CAMTA1: variants seen among roughly 807,000 people sequenced by gnomAD.
CAMTA1 encodes the protein calmodulin binding transcription activator 1.
In CAMTA1, 27 loss-of-function variants were observed where a neutral mutation model predicts 170.9. That is an observed-to-expected ratio of 0.16 (90% CI 0.12 to 0.22). CAMTA1 has a LOEUF of 0.22. Among genes scored for constraint, CAMTA1 ranks in the 10% least tolerant of loss-of-function variants. The pLI, the probability that CAMTA1 is intolerant of heterozygous loss-of-function variation, is 1.00. For missense variants in CAMTA1, 1,619 were observed against 2,217.2 expected (o/e 0.73, Z 5.42); for synonymous variants, 833 against 891.5 (o/e 0.93, Z 1.17).
intron 5 of CAMTA1, among the ~76,000 whole-genome samples, chr1:7,405,505 A>T (rs1230475575): frequency 6.6e-6 from 1 of 151,514 alleles, no homozygotes; most frequent in East Asian, 1.9e-4. Context: ...AGAATAGTTG[A>T]TACTACAGGC....
chr1:6,964,679 A>G (rs1399068652), intron 3 of CAMTA1, among the ~76,000 whole-genome samples: 1 of 152,200 alleles, frequency 6.6e-6, no homozygotes, highest in Non-Finnish European at 1.5e-5. Context: ...TCCTTTGTAC[A>G]CTTTTATAAG....
At chr1:7,422,605 G>T (rs1052370728) in intron 5 of CAMTA1, among the ~76,000 whole-genome samples, 1 of 152,158 alleles carries the variant, frequency 6.6e-6, no homozygotes. Flanking sequence ...TGAAAATGAG[G>T]ATTTTAATAT....
chr1:7,047,719 CTCT>C (rs1412115100), intron 3 of CAMTA1, among the ~76,000 whole-genome samples: 20 of 138,468 alleles, frequency 1.4e-4, no homozygotes, highest in African/African-American at 6.2e-4. Context: ...CTCTCTCTCT[CTCT>C]TTTTTTTTTT....
chr1:7,231,815 T>C (rs1486454313), intron 4 of CAMTA1, among the ~76,000 whole-genome samples: 1 of 152,180 alleles, frequency 6.6e-6, no homozygotes, highest in East Asian at 1.9e-4. Context: ...TTCTGTCAAA[T>C]GGGGATCTAA....
rs1171784978 is a variant in CAMTA1 at position 7,300,550 on chromosome 1, A to G, written c.438+50924A>G. 6.6e-6 allele frequency among the ~76,000 whole-genome samples: 1 copy of G among 152,142 alleles called. No individual in the cohort carries two copies. ...AAATTAGTCAGGCCTGGTGGTAGGC[A>G]TCTGTAACCCCAGCTATTCGGGAGG... On this transcript the variant is annotated intron_variant, in intron 5 of 22. Coordinates refer to ENST00000303635, the MANE Select transcript of CAMTA1 (RefSeq NM_015215.4). The surrounding 1 kb of genome is among the most constrained non-coding windows in gnomAD (Gnocchi z 4.1).
intron 4 of CAMTA1, among the ~76,000 whole-genome samples, chr1:7,162,342 G>T (rs147508325): frequency 0.011 from 1,599 of 152,254 alleles, 14 homozygotes; most frequent in Non-Finnish European, 0.015. Flanking sequence ...AGTACAATTT[G>T]ATGGTTTTTA....
intron 4 of CAMTA1, among the ~76,000 whole-genome samples, chr1:7,247,487 G>A (rs1665998369): frequency 6.6e-6 from 1 of 152,184 alleles, no homozygotes; most frequent in Non-Finnish European, 1.5e-5. Flanking sequence ...AGGCTAGATT[G>A]GATCAACGTC....
intron 3 of CAMTA1, among the ~76,000 whole-genome samples, chr1:6,915,822 C>T (rs564121047): frequency 1.3e-5 from 2 of 152,338 alleles, no homozygotes; most frequent in East Asian, 3.9e-4. Context: ...TGACTGGGGC[C>T]TGCAGACAGG....
chr1:7,012,682 C>G (rs1176782633), intron 3 of CAMTA1, among the ~76,000 whole-genome samples: 1 of 152,180 alleles, frequency 6.6e-6, no homozygotes, highest in Non-Finnish European at 1.5e-5. Context: ...TCCCTTCGTG[C>G]CACCTCACAC....
chr1:7,203,276 C>T (rs1308541707), intron 4 of CAMTA1, among the ~76,000 whole-genome samples: 10 of 151,982 alleles, frequency 6.6e-5, no homozygotes, highest in African/African-American at 2.4e-5. Context: ...TTTTTTTATC[C>T]ATACCCATAA....
intron 5 of CAMTA1, among the ~76,000 whole-genome samples, chr1:7,346,906 G>T (rs1186398730): frequency 6.6e-6 from 1 of 152,178 alleles, no homozygotes; most frequent in Non-Finnish European, 1.5e-5. Flanking sequence ...AGAGCAGAGA[G>T]TCCCAGCTAC....
intron 11 of CAMTA1, among the ~76,000 whole-genome samples, chr1:7,683,807 G>A (rs1039638846): frequency 3.3e-5 from 5 of 152,210 alleles, no homozygotes; most frequent in Admixed American, 1.3e-4. Context: ...TATACATTGC[G>A]GTGGGTGTCT....
At chr1:7,575,965 C>A (rs973537330) in intron 6 of CAMTA1, among the ~76,000 whole-genome samples, 1 of 152,074 alleles carries the variant, frequency 6.6e-6, no homozygotes, top group Non-Finnish European at 1.5e-5. Context: ...AGCAAGGAGG[C>A]GGGCCTGACT....
At chr1:7,422,994 T>C (rs986274503) in intron 5 of CAMTA1, among the ~76,000 whole-genome samples, 4 of 152,026 alleles carry the variant, frequency 2.6e-5, no homozygotes, top group African/African-American at 9.7e-5. Flanking sequence ...GGCAGTGCCA[T>C]TTAAGTGTTT....
chr1:7,347,137 G>A (rs566600968), intron 5 of CAMTA1, among the ~76,000 whole-genome samples: 54 of 152,368 alleles, frequency 3.5e-4, no homozygotes, highest in African/African-American at 1.3e-3. Flanking sequence ...CCCGGTGGCA[G>A]CGTCTGAGTA....
At chr1:7,704,789 G>GGGGCCGGGCTGGGCC (rs1462948392) in intron 11 of CAMTA1, among the ~76,000 whole-genome samples, 3 of 147,700 alleles carry the variant, frequency 2.0e-5, no homozygotes, top group Non-Finnish European at 4.5e-5. Context: ...GAGCGGGCGC[G>GGGGCCGGGCTGGGCC]GGGCCGGGCT....
chr1:6,907,990 T>C (rs995822175), intron 3 of CAMTA1, among the ~76,000 whole-genome samples: 16 of 152,200 alleles, frequency 1.1e-4, no homozygotes, highest in African/African-American at 3.4e-4. Flanking sequence ...CGTGGCCTCA[T>C]GTCTTGTCAC....
At chr1:7,360,878 A>G (rs2085489548) in intron 5 of CAMTA1, among the ~76,000 whole-genome samples, 1 of 152,224 alleles carries the variant, frequency 6.6e-6, no homozygotes, top group South Asian at 2.1e-4. Context: ...AGCAGCTGGG[A>G]TGAAGGGAGT....
At position 7,665,162 on chromosome 1, in the gene CAMTA1, T is replaced by C. The variant is rs774612857; in HGVS notation, c.2615T>C (p.Met872Thr). The C allele has an allele frequency of 1.3e-6, 2 of 1,495,892 alleles. No homozygotes were observed. The highest frequency in any genetic ancestry group is 2.7e-5 in the South Asian group (2 of 73,344). The allele number at this position is 1,495,892 out of a possible 1,614,324, so 92.7% of individuals were successfully genotyped here. The change falls in exon 9 of 23, where the codon ATG (methionine) becomes ACG (threonine). Residue 872 changes from methionine (M) to threonine (T), a missense_variant. Physicochemically the swap from Met to Thr is moderately conservative, Grantham distance 81. Around this residue, in one of 8 missense-constraint regions of CAMTA1, gnomAD observed 731 missense variants for 907.6 expected, o/e 0.81. Transcript: ENST00000303635. This position sits in a 1 kb window ranked among gnomAD's most constrained non-coding sequence, Gnocchi z 4.3. ...CTGCAGCAGAGCGGACGGGTGTTCA[T>C]GGTGACCGACTACTCCCCAGAGTGG... is the stretch of plus-strand genomic sequence containing the variant. ...GMLQQSGRVF[M>T]VTDYSPEWSY...
Sources: allele counts gnomAD v4.1 joint callset (sites outside exome capture counted in the v4.1 genomes callset), GRCh38; gene constraint gnomAD v4.1.1; regional missense constraint gnomAD v4.1.1; non-coding constraint Gnocchi (gnomAD v3.1); transcripts MANE v1.5; gene names NCBI Gene and HGNC (gene_info 2026-07-23, HGNC 2026-07-21).